LINGO2: variants seen among roughly 807,000 people sequenced by gnomAD.
The protein encoded by LINGO2 is leucine-rich repeat and immunoglobulin-like domain-containing nogo receptor-interacting protein 2.
A neutral mutation model predicts 30.6 loss-of-function variants in LINGO2; 14 were observed. That is an observed-to-expected ratio of 0.46 (90% confidence interval 0.30 to 0.72). The LOEUF is 0.72. LINGO2 is among the 30% of genes least tolerant of loss of function. LINGO2 has a pLI of 0.07. For synonymous variants in LINGO2, 317 were observed against 288.5 expected, an observed-to-expected ratio of 1.10 and a Z score of -1.00; for missense variants, 729 against 751.7, an observed-to-expected ratio of 0.97 and a Z score of 0.35.
the LINGO2 span, among the ~76,000 whole-genome samples, chr9:29,047,051 A>AAACAAAAAAAAAAAAAC: frequency 2.9e-3 from 307 of 106,920 alleles, 22 homozygotes; most frequent in African/African-American, 1.0e-2. Flanking sequence ...AAAAAAAAAA[A>AAACAAAAAAAAAAAAAC]CCAAAAACAA....
the LINGO2 span, among the ~76,000 whole-genome samples, chr9:29,071,177 T>TTATATTATAC: frequency 6.8e-6 from 1 of 147,148 alleles, no homozygotes; most frequent in Non-Finnish European, 1.5e-5. Flanking sequence ...TTGTATTGTA[T>TTATATTATAC]TGTATTGTAT....
chr9:29,129,028 G>C, the LINGO2 span, among the ~76,000 whole-genome samples: 1 of 152,026 alleles, frequency 6.6e-6, no homozygotes, highest in South Asian at 2.1e-4. Flanking sequence ...TTTAATATTT[G>C]CCTTTGCTAG....
chr9:29,035,989 A>G, the LINGO2 span, among the ~76,000 whole-genome samples: 1 of 152,076 alleles, frequency 6.6e-6, no homozygotes, highest in African/African-American at 2.4e-5. Context: ...CAATTTGGGA[A>G]GCAAGATTAG....
chr9:29,073,552 G>C, the LINGO2 span, among the ~76,000 whole-genome samples: 1 of 152,118 alleles, frequency 6.6e-6, no homozygotes, highest in South Asian at 2.1e-4. Context: ...TCAAATTTAA[G>C]CGTCAACAAA....
At chr9:28,306,970 A>C (rs1293645734) in intron 3 of LINGO2, among the ~76,000 whole-genome samples, 1 of 152,068 alleles carries the variant, frequency 6.6e-6, no homozygotes, top group African/African-American at 2.4e-5. Flanking sequence ...CCAGGACCAG[A>C]TGGATTCACA....
At chr9:28,741,775 G>A in the LINGO2 span, among the ~76,000 whole-genome samples, 1 of 151,616 alleles carries the variant, frequency 6.6e-6, no homozygotes, top group Admixed American at 6.6e-5. Flanking sequence ...ATCCATGGGG[G>A]TTGGCCTAGA....
chr9:28,677,547 T>G, the LINGO2 span, among the ~76,000 whole-genome samples: 1 of 152,112 alleles, frequency 6.6e-6, no homozygotes, highest in Admixed American at 6.6e-5. Flanking sequence ...TGGATGAAAG[T>G]GCAAACTTCA....
At chr9:28,666,903 C>A (rs1018159915) in intron 1 of LINGO2, among the ~76,000 whole-genome samples, 1 of 152,030 alleles carries the variant, frequency 6.6e-6, no homozygotes, top group Non-Finnish European at 1.5e-5. Context: ...AATGAAAATA[C>A]AACAATTATA....
intron 1 of LINGO2, among the ~76,000 whole-genome samples, chr9:28,623,154 T>G (rs928419797): frequency 3.3e-5 from 5 of 152,120 alleles, no homozygotes; most frequent in African/African-American, 1.2e-4. Context: ...CTCTTCACTT[T>G]GTTGATTGAT....
At chr9:28,328,513 A>G (rs1372035822) in intron 3 of LINGO2, among the ~76,000 whole-genome samples, 1 of 152,014 alleles carries the variant, frequency 6.6e-6, no homozygotes, top group Non-Finnish European at 1.5e-5. Flanking sequence ...AACTAGGAAG[A>G]GAAGAGGAAT....
At chr9:28,432,639 G>A (rs890355243) in intron 2 of LINGO2, among the ~76,000 whole-genome samples, 3 of 152,078 alleles carry the variant, frequency 2.0e-5, no homozygotes, top group Admixed American at 6.6e-5. Context: ...ATAAAGGACA[G>A]TCTGAATGCT....
the LINGO2 span, among the ~76,000 whole-genome samples, chr9:28,910,355 A>G: frequency 1.3e-5 from 2 of 152,056 alleles, no homozygotes; most frequent in African/African-American, 4.8e-5. Flanking sequence ...TAACAAGACC[A>G]TTACTAAATC....
intron 5 of LINGO2, among the ~76,000 whole-genome samples, chr9:27,957,503 A>G (rs962572621): frequency 6.6e-5 from 10 of 152,178 alleles, no homozygotes; most frequent in African/African-American, 1.2e-4. Context: ...CATGTTGGCC[A>G]GGATGATCTC....
chr9:28,986,302 G>A, the LINGO2 span, among the ~76,000 whole-genome samples: 103 of 152,038 alleles, frequency 6.8e-4, 2 homozygotes, highest in East Asian at 0.015. Context: ...TTAAATTCAG[G>A]TAGTGTGATG....
chr9:29,147,011 C>T, the LINGO2 span, among the ~76,000 whole-genome samples: 12 of 152,012 alleles, frequency 7.9e-5, no homozygotes, highest in African/African-American at 1.7e-4. Context: ...ATAATTTTCA[C>T]GTTAAACACG....
chr9:28,386,520 T>G (rs527676947), intron 2 of LINGO2, among the ~76,000 whole-genome samples: 1 of 152,304 alleles, frequency 6.6e-6, no homozygotes, highest in African/African-American at 2.4e-5. Flanking sequence ...TGTTCATTAT[T>G]CTGTATCATG....
chr9:27,939,097 A>G, the LINGO2 span: 1 of 152,214 alleles, frequency 6.6e-6, no homozygotes, highest in African/African-American at 2.4e-5. Context: ...CTCAAGATCA[A>G]TATTAGAGGC....
At chr9:28,758,987 GTA>G in the LINGO2 span, among the ~76,000 whole-genome samples, 24 of 152,114 alleles carry the variant, frequency 1.6e-4, no homozygotes, top group South Asian at 1.0e-3. Flanking sequence ...TAGAGCATGT[GTA>G]GTTTCCCTTA....
chr9:29,098,567 C>T, the LINGO2 span, among the ~76,000 whole-genome samples: 2 of 151,914 alleles, frequency 1.3e-5, no homozygotes, highest in Non-Finnish European at 2.9e-5. Flanking sequence ...GTGGAAGTCC[C>T]TGAGACGTGA....
Sources: allele counts gnomAD v4.1 joint callset (sites outside exome capture counted in the v4.1 genomes callset), GRCh38; gene constraint gnomAD v4.1.1; transcripts MANE v1.5; gene names NCBI Gene and HGNC (gene_info 2026-07-23, HGNC 2026-07-21).